Variants in LEMD1 observed in about 807,000 individuals in gnomAD.
The protein encoded by LEMD1 is LEM domain containing 1.
LEMD1 carries 18 observed loss-of-function variants against 17.4 expected under a neutral mutation model. The observed-to-expected ratio is 1.04, with a 90% CI of 0.72 to 1.54. The LOEUF (loss-of-function observed/expected upper bound fraction) is 1.54. Ranked by LOEUF, LEMD1 falls within the 40% of genes most tolerant of loss-of-function variation. LEMD1 has a pLI of 0.00. For synonymous variants in LEMD1, 88 were observed against 77.8 expected (o/e 1.13, Z -0.69); for missense variants, 195 against 210.4 (o/e 0.93, Z 0.45).
At chr1:205,395,357 G>T (rs1456526065) in intron 4 of LEMD1, among the ~76,000 whole-genome samples, 2 of 152,104 alleles carry the variant, frequency 1.3e-5, no homozygotes, top group African/African-American at 4.8e-5. Flanking sequence ...CACTTTGGGA[G>T]GCTGAGGTGG....
intron 4 of LEMD1, among the ~76,000 whole-genome samples, chr1:205,415,179 G>A (rs1665634547): frequency 6.8e-6 from 1 of 147,250 alleles, no homozygotes; most frequent in East Asian, 1.9e-4. Flanking sequence ...GATAACCATG[G>A]GGAGAAGCAT....
At chr1:205,393,810 A>G (rs76141572) in intron 4 of LEMD1, among the ~76,000 whole-genome samples, 57 of 151,744 alleles carry the variant, frequency 3.8e-4, no homozygotes, top group African/African-American at 1.0e-3. Flanking sequence ...AAAGTCAGAT[A>G]TAGAATTATT....
chr1:205,449,963 A>G (rs1666467821), upstream of LEMD1: 2 of 150,126 alleles, frequency 1.3e-5, no homozygotes. Flanking sequence ...TCACTCCTCC[A>G]CTCACCCCGA....
chr1:205,431,905 CG>C (rs1666130736), intron 1 of LEMD1, among the ~76,000 whole-genome samples: 2 of 152,056 alleles, frequency 1.3e-5, no homozygotes, highest in South Asian at 4.2e-4. Flanking sequence ...TTAATAGAGA[CG>C]GGGTTTCACC....
chr1:205,413,587 CTT>C (rs781477988), intron 4 of LEMD1, among the ~76,000 whole-genome samples: 1,452 of 72,446 alleles, frequency 0.02, 20 homozygotes, highest in African/African-American at 0.026. Flanking sequence ...CCATGCCCAA[CTT>C]TTTTTTTTTT....
intron 4 of LEMD1, among the ~76,000 whole-genome samples, chr1:205,388,087 C>T (rs927907328): frequency 2.0e-5 from 3 of 152,208 alleles, no homozygotes; most frequent in Non-Finnish European, 4.4e-5. Flanking sequence ...ACAGTCCCTG[C>T]CCATAATCAC....
chr1:205,434,748 C>G (rs755988881), intron 1 of LEMD1: 2 of 152,200 alleles, frequency 1.3e-5, no homozygotes, highest in Non-Finnish European at 2.9e-5. Flanking sequence ...ACTCTTCCCC[C>G]CAGTCTCCAT....
At chr1:205,407,468 A>G (rs1052467120) in intron 4 of LEMD1, among the ~76,000 whole-genome samples, 1 of 152,110 alleles carries the variant, frequency 6.6e-6, no homozygotes, top group African/African-American at 2.4e-5. Flanking sequence ...GAACCTCCAT[A>G]AAACTCCTAA....
At chr1:205,433,254 C>T (rs1292437599) in intron 1 of LEMD1, among the ~76,000 whole-genome samples, 5 of 152,082 alleles carry the variant, frequency 3.3e-5, no homozygotes, top group African/African-American at 7.2e-5. Context: ...GTCAGGTGTT[C>T]GAGACCAGCC....
rs553288724 is a variant in LEMD1 at position 205,441,506 on chromosome 1, G to A, written c.-39+8362C>T. ...CTTCTGCAGGTTGCACACACGACAG[G>A]CCCTCCTCCATCCAAATGCGGACCC... On this transcript the variant is annotated intron_variant, in intron 1 of 3. Transcript: ENST00000367154. This position sits in a 1 kb window ranked among gnomAD's most constrained non-coding sequence, Gnocchi z 4.3. Among the ~76,000 whole-genome samples the A allele has an allele frequency of 9.2e-5, 14 of 152,124 alleles. No individual in the cohort carries two copies. The highest frequency in any genetic ancestry group is 2.1e-4 in the Non-Finnish European group (14 of 68,030).
At chr1:205,382,152 C>T in intron 5 of LEMD1, 1 of 326,980 alleles carries the variant, frequency 3.1e-6, no homozygotes, top group Non-Finnish European at 5.6e-6. Flanking sequence ...CAGGTACATG[C>T]CACCACCCCC....
chr1:205,438,613 G>C (rs1336768064), intron 1 of LEMD1, among the ~76,000 whole-genome samples: 1 of 152,188 alleles, frequency 6.6e-6, no homozygotes, highest in Non-Finnish European at 1.5e-5. Context: ...GTTGGGGTGT[G>C]CCTGGCTAGA....
intron 4 of LEMD1, chr1:205,386,849 A>G (rs571130460): frequency 3.3e-5 from 5 of 152,232 alleles, no homozygotes; most frequent in Non-Finnish European, 5.9e-5. Flanking sequence ...ATGCTCACCA[A>G]GAGATATTTC....
At chr1:205,411,671 A>AAAGAAAAGAAAGAAAG (rs952549403) in intron 4 of LEMD1, among the ~76,000 whole-genome samples, 4 of 146,044 alleles carry the variant, frequency 2.7e-5, no homozygotes, top group Non-Finnish European at 6.0e-5. Flanking sequence ...AGAAAGAAAG[A>AAAGAAAAGAAAGAAAG]AAAGAAAGAA....
chr1:205,394,085 T>C (rs541691066), intron 4 of LEMD1, among the ~76,000 whole-genome samples: 80 of 151,936 alleles, frequency 5.3e-4, no homozygotes, highest in African/African-American at 1.8e-3. Context: ...AAAAACCTTA[T>C]ATGAAGCGAA....
chr1:205,430,780 A>C (rs926938392), intron 1 of LEMD1, among the ~76,000 whole-genome samples: 20 of 152,192 alleles, frequency 1.3e-4, no homozygotes, highest in Admixed American at 9.2e-4. Flanking sequence ...CCGCGGCTCC[A>C]GCCGCCCTCC....
At chr1:205,393,326 T>G (rs1664427937) in intron 4 of LEMD1, among the ~76,000 whole-genome samples, 1 of 150,736 alleles carries the variant, frequency 6.6e-6, no homozygotes. Context: ...ATTAGGGAAA[T>G]GCAAATAAAA....
intron 4 of LEMD1, among the ~76,000 whole-genome samples, chr1:205,410,486 C>T (rs1470929974): frequency 6.6e-6 from 1 of 152,102 alleles, no homozygotes; most frequent in East Asian, 1.9e-4. Context: ...ATCTAAGAGA[C>T]AACGTATATG....
intron 4 of LEMD1, 25 bp downstream of exon 4, chr1:205,416,207 A>G (rs537074572): frequency 1.4e-6 from 2 of 1,450,254 alleles, no homozygotes; most frequent in African/African-American, 2.8e-5. Context: ...GGGTATAAGT[A>G]TTCAGGCATT....
Sources: gnomAD v4.1 joint callset for allele counts (sites outside exome capture counted in the v4.1 genomes callset) on GRCh38, gnomAD v4.1.1 for gene constraint, Gnocchi (gnomAD v3.1) non-coding constraint, MANE v1.5 for transcripts, NCBI Gene and HGNC (gene_info 2026-07-23, HGNC 2026-07-21) for gene names.